PLS1: variants seen among roughly 807,000 people sequenced by gnomAD.
The protein encoded by PLS1 is plastin-1.
PLS1 carries 32 observed loss-of-function variants against 73.7 expected under a neutral mutation model. That is an observed-to-expected ratio of 0.43 (90% CI 0.33 to 0.58). The LOEUF (loss-of-function observed/expected upper bound fraction) is 0.58, where lower values mean the gene tolerates loss of function less well. Among genes scored for constraint, PLS1 ranks in the 20% least tolerant of loss-of-function variants. The pLI, the probability that PLS1 is intolerant of heterozygous loss-of-function variation, is 0.04. For synonymous variants in PLS1, 217 were observed against 261.3 expected (o/e 0.83, Z 1.63); for missense variants, 633 against 740.5 (o/e 0.85, Z 1.68).
chr3:142,631,657 GTC>G (rs1480358365), intron 1 of PLS1, among the ~76,000 whole-genome samples: 1 of 95,400 alleles, frequency 1.0e-5, no homozygotes, highest in African/African-American at 4.3e-5. Context: ...TTGAGACCCT[GTC>G]TCTAGAAAAA....
At chr3:142,608,240 G>A (rs1367689681) in intron 1 of PLS1, among the ~76,000 whole-genome samples, 1 of 152,168 alleles carries the variant, frequency 6.6e-6, no homozygotes, top group Admixed American at 6.5e-5. Flanking sequence ...ACAAGAGCTT[G>A]ATCACATTGG....
At chr3:142,607,179 CTT>C (rs1283978946) in intron 1 of PLS1, among the ~76,000 whole-genome samples, 1 of 152,112 alleles carries the variant, frequency 6.6e-6, no homozygotes, top group Admixed American at 6.5e-5. Context: ...AACCAATAGA[CTT>C]TATCTTTTAG....
At chr3:142,664,341 G>A (rs367822162) in intron 2 of PLS1, 34 bp downstream of exon 2, 33 of 1,104,082 alleles carry the variant, frequency 3.0e-5, no homozygotes, top group Middle Eastern at 2.1e-4. Flanking sequence ...TGATATTACT[G>A]GTCTGCTTGA....
At chr3:142,677,359 G>T (rs937055766) in intron 5 of PLS1, among the ~76,000 whole-genome samples, 1 of 152,046 alleles carries the variant, frequency 6.6e-6, no homozygotes, top group South Asian at 2.1e-4. Context: ...AAAATTCAGG[G>T]TGATGACTGG....
intron 1 of PLS1, among the ~76,000 whole-genome samples, chr3:142,663,117 A>T (rs1351093667): frequency 6.6e-6 from 1 of 152,146 alleles, no homozygotes; most frequent in African/African-American, 2.4e-5. Context: ...GGGGTGGCTG[A>T]GGCAGGAGAA....
At chr3:142,683,705 T>C (rs1388570298) in intron 6 of PLS1, among the ~76,000 whole-genome samples, 2 of 152,176 alleles carry the variant, frequency 1.3e-5, no homozygotes, top group Non-Finnish European at 2.9e-5. Flanking sequence ...AAAAATATCA[T>C]GTTGAGTTTG....
At chr3:142,606,277 C>G (rs563021519) in intron 1 of PLS1, among the ~76,000 whole-genome samples, 1 of 152,114 alleles carries the variant, frequency 6.6e-6, no homozygotes, top group Non-Finnish European at 1.5e-5. Context: ...CTTCTTTATG[C>G]ACAGTTTTTT....
chr3:142,632,790 G>A lies in PLS1; in HGVS notation c.-36-31412G>A, dbSNP rs1021604470. 2.6e-5 allele frequency among the ~76,000 whole-genome samples: 4 copies of A among 151,996 alleles called. No homozygotes were observed. In the South Asian group the frequency reaches 6.2e-4, roughly 24 times the overall value. Reference sequence around the variant, plus strand: ...ATTTTTATATTTTTAGTAGAAATGGGGTTTTACCATGTTGGCCGGGCTGGT... The same window carrying A: ...ATTTTTATATTTTTAGTAGAAATGGAGTTTTACCATGTTGGCCGGGCTGGT... On this transcript the variant is annotated intron_variant, in intron 1 of 15. Coordinates refer to ENST00000457734, the MANE Select transcript of PLS1 (RefSeq NM_001145319.2).
In PLS1 at chr3:142,703,184, C is replaced by A. The variant is rs140071392; in HGVS notation, c.1372-684C>A. Among the ~76,000 whole-genome samples the A allele has an allele frequency of 3.1e-4, 47 of 151,992 alleles. 1 individual carries two copies. The highest frequency in any genetic ancestry group is 1.0e-3 in the African/African-American group (42 of 41,492). ...TCTTTTCTATTTTTAAATTTTAAAT[C>A]TACACAAAACATCATCTATTACTTC... is the stretch of plus-strand genomic sequence containing the variant. On this transcript the variant is annotated intron_variant, in intron 12 of 15. Transcript: ENST00000457734.
At chr3:142,642,751 G>A (rs1560044916) in intron 1 of PLS1, among the ~76,000 whole-genome samples, 3 of 152,128 alleles carry the variant, frequency 2.0e-5, no homozygotes, top group Non-Finnish European at 4.4e-5. Flanking sequence ...ATAGATCTGT[G>A]ATATTTTCAG....
chr3:142,690,222 C>T (rs994594609), intron 10 of PLS1, among the ~76,000 whole-genome samples: 5 of 152,054 alleles, frequency 3.3e-5, no homozygotes, highest in East Asian at 3.9e-4. Context: ...TTACAGTGTT[C>T]GTTATTTGTC....
At chr3:142,631,049 A>C (rs924130373) in intron 1 of PLS1, among the ~76,000 whole-genome samples, 1 of 151,860 alleles carries the variant, frequency 6.6e-6, no homozygotes, top group African/African-American at 2.4e-5. Context: ...TGTTCAACAG[A>C]TGGTGTTGGA....
intron 14 of PLS1, among the ~76,000 whole-genome samples, chr3:142,710,657 T>C (rs918531752): frequency 2.0e-5 from 3 of 152,138 alleles, no homozygotes; most frequent in Non-Finnish European, 4.4e-5. Context: ...AGCAAAAATA[T>C]GGGTTCTACT....
At chr3:142,703,631 T>C in intron 12 of PLS1, among the ~76,000 whole-genome samples, 1 of 152,166 alleles carries the variant, frequency 6.6e-6, no homozygotes, top group East Asian at 1.9e-4. Context: ...GAAGGGATCT[T>C]AAAACTTTCC....
chr3:142,630,096 GT>G (rs752049697), intron 1 of PLS1, among the ~76,000 whole-genome samples: 15 of 152,034 alleles, frequency 9.9e-5, no homozygotes, highest in East Asian at 1.9e-4. Flanking sequence ...TGGTTATAGG[GT>G]TTCCCCCCAC....
intron 1 of PLS1, among the ~76,000 whole-genome samples, chr3:142,600,128 A>C (rs573041527): frequency 9.9e-5 from 15 of 152,262 alleles, no homozygotes; most frequent in African/African-American, 3.6e-4. Context: ...AAACCAATCT[A>C]AGGGGGAAAT....
intron 12 of PLS1, chr3:142,698,470 G>T (rs1438113394): frequency 2.0e-5 from 3 of 152,206 alleles, no homozygotes; most frequent in African/African-American, 7.3e-5. Context: ...GCATGGAGTT[G>T]GTCCTCAGGA....
At chr3:142,687,069 G>A (rs967519662) in intron 9 of PLS1, among the ~76,000 whole-genome samples, 2 of 152,104 alleles carry the variant, frequency 1.3e-5, no homozygotes, top group Non-Finnish European at 2.9e-5. Flanking sequence ...ATACTTCCTA[G>A]GAATCTCATT....
intron 1 of PLS1, among the ~76,000 whole-genome samples, chr3:142,615,781 T>C (rs780028112): frequency 3.3e-5 from 5 of 152,136 alleles, no homozygotes; most frequent in Non-Finnish European, 5.9e-5. Context: ...AGGACAGTGA[T>C]GTTTAACACT....
Sources: allele counts gnomAD v4.1 joint callset (sites outside exome capture counted in the v4.1 genomes callset), GRCh38; gene constraint gnomAD v4.1.1; transcripts MANE v1.5; gene names NCBI Gene and HGNC (gene_info 2026-07-23, HGNC 2026-07-21).